The following NYAP2 variants were observed in gnomAD, a reference collection of about 807,000 sequenced individuals.
NYAP2 encodes the protein neuronal tyrosine-phosphorylated phosphoinositide-3-kinase adapter 2.
In NYAP2, 23 loss-of-function variants were observed where a neutral mutation model predicts 50.4. The observed-to-expected ratio is 0.46, with a 90% CI of 0.33 to 0.65. The LOEUF (loss-of-function observed/expected upper bound fraction) is 0.65. Ranked by LOEUF, NYAP2 falls within the 30% of genes least tolerant of loss-of-function variation. The pLI is 0.02. For missense variants in NYAP2, 885 were observed against 861.0 expected (o/e 1.03, Z -0.35); for synonymous variants, 394 against 365.2 (o/e 1.08, Z -0.90).
chr2:225,549,641 C>T (rs929340931), intron 4 of NYAP2, among the ~76,000 whole-genome samples: 2 of 152,074 alleles, frequency 1.3e-5, no homozygotes, highest in Non-Finnish European at 2.9e-5. Context: ...ATTTAGCTAT[C>T]GAGTTAGACA....
chr2:225,563,435 T>C (rs1480679300), intron 4 of NYAP2, among the ~76,000 whole-genome samples: 1 of 152,082 alleles, frequency 6.6e-6, no homozygotes, highest in African/African-American at 2.4e-5. Flanking sequence ...AAGAGAAGCC[T>C]CTGGCTGCAG....
Position 225,554,944 on chromosome 2 carries a change from G to A in NYAP2, c.524-26997G>A, listed in dbSNP as rs182901901. Among the ~76,000 whole-genome samples the A allele has an allele frequency of 2.0e-4, 30 of 152,080 alleles. 1 individual carries two copies. The East Asian group carries it at 5.8e-3, about 29-fold the overall frequency. ...TGTATTTTATAAATAAAAAATAACA[G>A]CTAATGAAAAGATTATTGGAATTTT... On this transcript the variant is annotated intron_variant, in intron 4 of 6. Coordinates refer to ENST00000636099, the Ensembl canonical transcript of NYAP2.
rs558141012 is a variant in NYAP2 at position 225,554,198 on chromosome 2, ATTG to A, written c.524-27734_524-27732del. Among the ~76,000 whole-genome samples, 335 of 144,850 alleles carry A rather than the reference ATTG, an allele frequency of 2.3e-3. 1 individual carries two copies. The highest frequency in any genetic ancestry group is 4.0e-3 in the Non-Finnish European group (266 of 66,080). On this transcript the variant is annotated intron_variant, in intron 4 of 6. Transcript: ENST00000636099. ...TTCTAAAGTAATCCAAGGTGTTGTT[ATTG>A]TTGTTGTTTTTTTTTTTTTGCTTCT...
intron 4 of NYAP2, among the ~76,000 whole-genome samples, chr2:225,567,207 G>T (rs756544726): frequency 6.6e-6 from 1 of 151,940 alleles, no homozygotes; most frequent in African/African-American, 2.4e-5. Context: ...ACATAGAGAA[G>T]GTAGAGTAAA....
At chr2:225,593,756 T>C (rs543793451) in intron 5 of NYAP2, among the ~76,000 whole-genome samples, 1 of 152,328 alleles carries the variant, frequency 6.6e-6, no homozygotes, top group East Asian at 1.9e-4. Flanking sequence ...TTTATTGAAC[T>C]TGTTGAATTA....
chr2:225,456,927 T>C (rs1234981070), intron 3 of NYAP2, among the ~76,000 whole-genome samples: 1 of 152,214 alleles, frequency 6.6e-6, no homozygotes, highest in Admixed American at 6.5e-5. Context: ...CCCCTTCTTC[T>C]GTGCCCAAGC....
At chr2:225,636,847 A>G (rs1693428442) in intron 6 of NYAP2, among the ~76,000 whole-genome samples, 1 of 152,182 alleles carries the variant, frequency 6.6e-6, no homozygotes, top group African/African-American at 2.4e-5. Flanking sequence ...CCAAAATGTG[A>G]GAAAGCACAG....
intron 5 of NYAP2, among the ~76,000 whole-genome samples, chr2:225,603,604 T>A (rs1160821733): frequency 6.6e-6 from 1 of 152,110 alleles, no homozygotes; most frequent in East Asian, 1.9e-4. Context: ...GTGTTGTGTT[T>A]TCTTTCTTCT....
downstream of NYAP2, among the ~76,000 whole-genome samples, chr2:225,656,190 A>C (rs1464335790): frequency 6.6e-6 from 1 of 152,084 alleles, no homozygotes; most frequent in Admixed American, 6.5e-5. Flanking sequence ...TTGACAGACC[A>C]AATCTCTTTA....
intron 3 of NYAP2, among the ~76,000 whole-genome samples, chr2:225,440,231 T>C (rs1559180142): frequency 6.6e-6 from 1 of 152,196 alleles, no homozygotes; most frequent in Non-Finnish European, 1.5e-5. Context: ...TTTGCAGGCA[T>C]GGAGATGCTA....
exon 7 of NYAP2, chr2:225,652,578 T>G (rs1311619524): frequency 6.6e-6 from 1 of 152,228 alleles, no homozygotes; most frequent in Non-Finnish European, 1.5e-5. Context: ...GGCTTAATTG[T>G]CGTTACTGTT....
chr2:225,578,630 G>C lies in NYAP2; in HGVS notation c.524-3311G>C, dbSNP rs528384728. 6.6e-5 allele frequency among the ~76,000 whole-genome samples: 10 copies of C among 152,320 alleles called. No individual in the cohort carries two copies. In the East Asian group the frequency reaches 1.9e-3, roughly 29 times the overall value. ...TATGGGATAAGCATCGCCAGATGTA[G>C]CCAGAATGTGCTCTCTGTGACATAG... On this transcript the variant is annotated intron_variant, in intron 4 of 6. Coordinates refer to ENST00000636099, the Ensembl canonical transcript of NYAP2.
chr2:225,671,122 A>G, the NYAP2 span, among the ~76,000 whole-genome samples: 3 of 152,202 alleles, frequency 2.0e-5, no homozygotes, highest in South Asian at 4.1e-4. Flanking sequence ...TTGCCACATC[A>G]ATTTAACTCT....
At chr2:225,546,248 T>C (rs1378135865) in intron 4 of NYAP2, among the ~76,000 whole-genome samples, 2 of 152,156 alleles carry the variant, frequency 1.3e-5, no homozygotes, top group African/African-American at 4.8e-5. Context: ...AAGCCAGCCA[T>C]GTTTGCGTCC....
chr2:225,594,012 T>A lies in NYAP2; in HGVS notation c.1618+10977T>A, dbSNP rs1025107534. On this transcript the variant is annotated intron_variant, in intron 5 of 6. Coordinates refer to ENST00000636099, the Ensembl canonical transcript of NYAP2. Reference sequence around the variant, plus strand: ...GGCAGATTTATTGGAGGGAAAGATATAAAGAATATGCCCATCAAGCATTTA... The same window carrying A: ...GGCAGATTTATTGGAGGGAAAGATAAAAAGAATATGCCCATCAAGCATTTA... Among the ~76,000 whole-genome samples, 2 of 152,158 alleles carry A rather than the reference T, an allele frequency of 1.3e-5. 1 individual carries two copies. Among genetic ancestry groups the A allele is most frequent in the East Asian group, 3.9e-4 (2 of 5,182 alleles).
At chr2:225,434,824 G>A (rs182051394) in intron 3 of NYAP2, among the ~76,000 whole-genome samples, 4 of 152,234 alleles carry the variant, frequency 2.6e-5, no homozygotes, top group Admixed American at 1.3e-4. Context: ...ACACACATGT[G>A]TAAAACTGAT....
At chr2:225,484,963 C>T (rs1469912929) in intron 3 of NYAP2, among the ~76,000 whole-genome samples, 4 of 152,206 alleles carry the variant, frequency 2.6e-5, no homozygotes, top group Non-Finnish European at 5.9e-5. Flanking sequence ...GTTTTAAGAA[C>T]CCCTGTGGGT....
intron 2 of NYAP2, among the ~76,000 whole-genome samples, chr2:225,404,257 A>G (rs567917186): frequency 6.6e-6 from 1 of 152,110 alleles, no homozygotes; most frequent in South Asian, 2.1e-4. Flanking sequence ...TAAGGGTCAC[A>G]TAGTGTCTTA....
chr2:225,661,265 A>G, the NYAP2 span, among the ~76,000 whole-genome samples: 1 of 152,196 alleles, frequency 6.6e-6, no homozygotes, highest in East Asian at 1.9e-4. Flanking sequence ...GAGTGGCAGT[A>G]CCCTTCATTC....
Sources: allele counts gnomAD v4.1 joint callset (sites outside exome capture counted in the v4.1 genomes callset), GRCh38; gene constraint gnomAD v4.1.1; transcripts MANE v1.5; gene names NCBI Gene and HGNC (gene_info 2026-07-23, HGNC 2026-07-21).